The following MMP26 variants were observed in gnomAD, a reference collection of about 807,000 sequenced individuals.
MMP26 encodes the protein matrix metalloproteinase-26.
Under a neutral mutation model 31.0 loss-of-function variants are expected in MMP26, and 33 were observed. The ratio of observed to expected loss-of-function variants is 1.06; its 90% confidence interval spans 0.81 to 1.42. MMP26 has a LOEUF of 1.42. Among genes scored for constraint, MMP26 ranks in the 40% most tolerant of loss-of-function variants. The probability of loss-of-function intolerance (pLI) is 0.00; values close to 1 mark genes in which losing one functional copy is unlikely to be tolerated. For missense variants in MMP26, 347 were observed against 316.1 expected (o/e 1.10, Z -0.74); for synonymous variants, 122 against 114.9 (o/e 1.06, Z -0.40).
intron 2 of MMP26, chr11:4,955,762 C>T: frequency 1.3e-6 from 2 of 1,537,260 alleles, no homozygotes; most frequent in Non-Finnish European, 1.8e-6. Context: ...CACCTGACCT[C>T]AGGTGATCCG....
intron 2 of MMP26, among the ~76,000 whole-genome samples, chr11:4,893,796 A>G (rs953826856): frequency 2.9e-4 from 44 of 152,266 alleles, no homozygotes; most frequent in African/African-American, 1.0e-3. Flanking sequence ...AATGTATCTT[A>G]TTAAAAGATC....
In MMP26 at chr11:4,848,811, G is replaced by T. The variant is rs367556326; in HGVS notation, c.-145+81470G>T. The T allele has an allele frequency of 5.0e-6, 8 of 1,613,992 alleles. No homozygotes were observed. The African/African-American group carries it at 8.0e-5, about 16-fold the overall frequency. ...TGGGTAGTGGAGAGGTCGGCAGATG[G>T]CCAGTGCCCGATCAATGGACATGGC... On this transcript the variant is annotated intron_variant, in intron 2 of 7. Coordinates refer to ENST00000380390, the MANE Select transcript of MMP26 (RefSeq NM_021801.5).
At chr11:4,722,578 T>C (rs1222071730) in intron 1 of MMP26, among the ~76,000 whole-genome samples, 1 of 135,374 alleles carries the variant, frequency 7.4e-6, no homozygotes, top group African/African-American at 2.8e-5. Context: ...GGGCAAGGGG[T>C]GTCCTCAGGC....
intron 2 of MMP26, among the ~76,000 whole-genome samples, chr11:4,814,211 T>C (rs1252204389): frequency 2.6e-5 from 4 of 152,174 alleles, no homozygotes; most frequent in Non-Finnish European, 5.9e-5. Flanking sequence ...CTAGTAAAAC[T>C]AGACCTCCTT....
At chr11:4,946,463 A>T (rs1394131827) in intron 2 of MMP26, 1 of 1,609,926 alleles carries the variant, frequency 6.2e-7, no homozygotes, top group South Asian at 1.1e-5. Flanking sequence ...AGCAATGAGA[A>T]TAAAGTCTAC....
At chr11:4,801,487 G>C (rs1367214433) in intron 2 of MMP26, among the ~76,000 whole-genome samples, 2 of 151,426 alleles carry the variant, frequency 1.3e-5, no homozygotes, top group Middle Eastern at 3.4e-3. Flanking sequence ...AGAAGGGGGA[G>C]GGGGAGGTCC....
At chr11:4,859,757 G>T in intron 2 of MMP26, 1 of 471,272 alleles carries the variant, frequency 2.1e-6, no homozygotes, top group East Asian at 6.9e-5. Context: ...GGTGATAAAT[G>T]CTCCCAAAAT....
At chr11:4,907,800 T>A (rs924075520) in intron 2 of MMP26, 3 of 1,614,010 alleles carry the variant, frequency 1.9e-6, no homozygotes, top group Admixed American at 1.7e-5. Flanking sequence ...GTTGCTAAAA[T>A]GGGACTTATT....
intron 2 of MMP26, among the ~76,000 whole-genome samples, chr11:4,869,244 G>T (rs1390051624): frequency 6.6e-6 from 1 of 151,916 alleles, no homozygotes; most frequent in African/African-American, 2.4e-5. Flanking sequence ...AAGAGCTTCT[G>T]CACAGCAAAA....
chr11:4,757,190 G>A (rs1184245532), intron 1 of MMP26, among the ~76,000 whole-genome samples: 1 of 151,828 alleles, frequency 6.6e-6, no homozygotes, highest in Non-Finnish European at 1.5e-5. Context: ...ATAGCCAATT[G>A]GTTTGTAATA....
intron 2 of MMP26, among the ~76,000 whole-genome samples, chr11:4,835,499 T>A (rs1195255546): frequency 6.6e-6 from 1 of 152,086 alleles, no homozygotes; most frequent in Non-Finnish European, 1.5e-5. Context: ...GCCGGGGGTA[T>A]TAATAACAAC....
intron 1 of MMP26, among the ~76,000 whole-genome samples, chr11:4,741,132 T>C (rs752263329): frequency 4.6e-5 from 7 of 152,204 alleles, no homozygotes; most frequent in Non-Finnish European, 8.8e-5. Context: ...TTTCTGCATA[T>C]GGCTAGCCAG....
chr11:4,767,303 C>A lies in MMP26; in HGVS notation c.-183C>A, dbSNP rs910363357. On this transcript the variant is annotated 5_prime_UTR_variant, in exon 2 of 8. Transcript: ENST00000380390. ...ACAAAATCGTCCTATCCAGCATGCA[C>A]TTTTGGATACTCTTTCAACTCAGAA... The A allele has an allele frequency of 2.0e-5, 3 of 152,088 alleles. No homozygotes were observed. The highest frequency in any genetic ancestry group is 2.9e-5 in the Non-Finnish European group (2 of 68,008). The allele number at this position is 152,088 out of a possible 1,614,324, so 9.4% of individuals were successfully genotyped here. A position where few individuals can be genotyped will look rare whatever the true frequency, so the allele number is the denominator to read the frequency against.
chr11:4,957,492 A>G (rs1051762938), intron 2 of MMP26, among the ~76,000 whole-genome samples: 1 of 152,164 alleles, frequency 6.6e-6, no homozygotes, highest in African/African-American at 2.4e-5. Context: ...AACTTGTTGT[A>G]AAACTTTTTT....
intron 1 of MMP26, among the ~76,000 whole-genome samples, chr11:4,715,816 T>G (rs1190268011): frequency 6.6e-6 from 1 of 152,148 alleles, no homozygotes; most frequent in Non-Finnish European, 1.5e-5. Context: ...GGTGTGTGAG[T>G]GGGGCCTGTG....
intron 2 of MMP26, among the ~76,000 whole-genome samples, chr11:4,816,591 C>A (rs71480724): frequency 1.3e-5 from 2 of 150,508 alleles, no homozygotes; most frequent in Admixed American, 1.3e-4. Flanking sequence ...CATAAAAGTT[C>A]TTCCAGAAAA....
At chr11:4,776,672 A>G (rs911118373) in intron 2 of MMP26, among the ~76,000 whole-genome samples, 1 of 152,126 alleles carries the variant, frequency 6.6e-6, no homozygotes, top group Admixed American at 6.6e-5. Flanking sequence ...TTCTCATGAT[A>G]ATAAGTGAAT....
intron 2 of MMP26, chr11:4,769,755 G>A (rs1848689544): frequency 6.2e-7 from 1 of 1,613,894 alleles, no homozygotes; most frequent in Non-Finnish European, 8.5e-7. Flanking sequence ...TGGAGACTCT[G>A]CTGGGTAATG....
intron 2 of MMP26, among the ~76,000 whole-genome samples, chr11:4,783,958 C>T (rs562997004): frequency 6.6e-6 from 1 of 152,226 alleles, no homozygotes; most frequent in East Asian, 1.9e-4. Flanking sequence ...TTGTAAATTG[C>T]CCAGTCTCAG....
Sources: allele counts gnomAD v4.1 joint callset (sites outside exome capture counted in the v4.1 genomes callset), GRCh38; gene constraint gnomAD v4.1.1; transcripts MANE v1.5; gene names NCBI Gene and HGNC (gene_info 2026-07-23, HGNC 2026-07-21).